The following MTBP variants were observed in gnomAD, a reference collection of about 807,000 sequenced individuals.
MTBP encodes MDM2 binding protein.
A neutral mutation model predicts 117.0 loss-of-function variants in MTBP; 101 were observed. The ratio of observed to expected loss-of-function variants is 0.86; its 90% CI spans 0.73 to 1.02. The LOEUF (loss-of-function observed/expected upper bound fraction) is 1.02, where lower values mean the gene tolerates loss of function less well. MTBP is among the 50% of genes least tolerant of loss of function. The pLI is 0.00. For missense variants in MTBP, 970 were observed against 1,030.9 expected (o/e 0.94, Z 0.81); for synonymous variants, 350 against 351.5 (o/e 1.00, Z 0.05).
chr8:120,473,470 A>C (rs995598171), intron 11 of MTBP: 10 of 152,160 alleles, frequency 6.6e-5, no homozygotes, highest in African/African-American at 2.4e-4. Flanking sequence ...CACTTAAGGA[A>C]GTAGATTCAT....
Position 120,488,335 on chromosome 8 carries a change from A to G in MTBP, c.1339+3A>G. On this transcript the variant is annotated splice_donor_region_variant and intron_variant, in intron 12 of 21. Transcript: ENST00000305949. ...AAAGACAGAAGAAGCCAAATTGAGTAAGTGTTAACTTCAGGTAGAAAAACA... is the reference window on the plus strand; with the variant it reads ...AAAGACAGAAGAAGCCAAATTGAGTGAGTGTTAACTTCAGGTAGAAAAACA... The G allele has an allele frequency of 1.3e-6, 2 of 1,533,666 alleles. No individual in the cohort carries two copies. Among genetic ancestry groups the G allele is most frequent in the Non-Finnish European group, 8.7e-7 (1 of 1,146,608 alleles).
intron 19 of MTBP, among the ~76,000 whole-genome samples, 165 bp from the exon 20 acceptor site, chr8:120,518,539 T>A (rs1282770500): frequency 2.4e-5 from 3 of 126,482 alleles, no homozygotes; most frequent in Non-Finnish European, 5.6e-5. Context: ...TCTGACCATG[T>A]AAATGTTAGA....
chr8:120,456,739 A>C, intron 7 of MTBP, 69 bp downstream of exon 7: 1 of 807,338 alleles, frequency 1.2e-6, no homozygotes, highest in South Asian at 1.5e-5. Flanking sequence ...TATTTAAATA[A>C]ATCTTAATGA....
At chr8:120,478,067 G>A (rs912339846) in intron 11 of MTBP, among the ~76,000 whole-genome samples, 27 of 152,202 alleles carry the variant, frequency 1.8e-4, no homozygotes, top group African/African-American at 4.8e-4. Flanking sequence ...GGAATACTAC[G>A]CAGCCATAAA....
In MTBP at chr8:120,485,904, C is replaced by A. The variant is rs546217967; in HGVS notation, c.1166-2255C>A. On this transcript the variant is annotated intron_variant, in intron 11 of 21. Transcript: ENST00000305949. ...GTGTGGCCACATTCACCCTGGGAAT[C>A]CAGTGGTCTCAACCTGACTCACTTT... is the stretch of plus-strand genomic sequence containing the variant. Among the ~76,000 whole-genome samples the A allele has an allele frequency of 2.3e-3, 356 of 152,278 alleles. 1 individual carries two copies. Among genetic ancestry groups the A allele is most frequent in the African/African-American group, 7.6e-3 (317 of 41,550 alleles).
chr8:120,506,550 C>T (rs1404375387), intron 15 of MTBP, among the ~76,000 whole-genome samples, 156 bp from the exon 16 acceptor site: 1 of 151,180 alleles, frequency 6.6e-6, no homozygotes, highest in Non-Finnish European at 1.5e-5. Flanking sequence ...ACTTTATTGT[C>T]TGTCCTAAAT....
chr8:120,518,682 C>T (rs749353891), intron 19 of MTBP, 22 bp from the exon 20 acceptor site: 5 of 1,481,712 alleles, frequency 3.4e-6, no homozygotes, highest in South Asian at 1.2e-5. Flanking sequence ...AAATATTCGT[C>T]ATATGTTATG....
At chr8:120,450,250 A>G (rs751791577) in intron 2 of MTBP, among the ~76,000 whole-genome samples, 5 of 152,168 alleles carry the variant, frequency 3.3e-5, no homozygotes, top group Admixed American at 1.3e-4. Flanking sequence ...ATTAATGGCA[A>G]TACAAGTTGA....
intron 3 of MTBP, 26 bp downstream of exon 3, chr8:120,451,102 T>TAATG: frequency 6.3e-7 from 1 of 1,588,110 alleles, no homozygotes; most frequent in Non-Finnish European, 8.6e-7. Flanking sequence ...AGATAGCTAC[T>TAATG]AATGAATGTC....
intron 9 of MTBP, 41 bp from the exon 10 acceptor site, chr8:120,463,651 C>A (rs1055448479): frequency 1.4e-6 from 2 of 1,460,558 alleles, no homozygotes; most frequent in Non-Finnish European, 1.9e-6. Context: ...TACATTGTTT[C>A]ATGGGTACCA....
At chr8:120,447,604 A>G (rs1231913554) in intron 2 of MTBP, among the ~76,000 whole-genome samples, 1 of 152,178 alleles carries the variant, frequency 6.6e-6, no homozygotes, top group African/African-American at 2.4e-5. Context: ...AGCAATCCTA[A>G]TATAATCAAT....
intron 16 of MTBP, 25 bp from the exon 17 acceptor site, chr8:120,509,909 A>G: frequency 2.0e-6 from 3 of 1,535,876 alleles, no homozygotes; most frequent in Non-Finnish European, 2.7e-6. Flanking sequence ...AACTTTGAAT[A>G]CAAATGAAAA....
intron 14 of MTBP, among the ~76,000 whole-genome samples, chr8:120,499,416 C>G (rs1814534825): frequency 1.3e-5 from 2 of 151,934 alleles, no homozygotes; most frequent in African/African-American, 4.8e-5. Flanking sequence ...TATTGGATCA[C>G]ATTTTAAGAT....
At chr8:120,521,475 C>T (rs986249926) in intron 20 of MTBP, among the ~76,000 whole-genome samples, 9 of 152,126 alleles carry the variant, frequency 5.9e-5, no homozygotes, top group African/African-American at 1.4e-4. Context: ...CCATCCATGA[C>T]GTTCTCCCTA....
chr8:120,450,217 T>G (rs373402448), intron 2 of MTBP, among the ~76,000 whole-genome samples: 11 of 152,096 alleles, frequency 7.2e-5, no homozygotes, highest in African/African-American at 2.4e-4. Context: ...TTCTTACACG[T>G]TAAAGGGGAG....
chr8:120,481,062 C>T (rs1446334418), intron 11 of MTBP, among the ~76,000 whole-genome samples: 3 of 152,104 alleles, frequency 2.0e-5, no homozygotes, highest in Non-Finnish European at 2.9e-5. Flanking sequence ...ACACGAATAA[C>T]TAGTAAACTC....
At chr8:120,509,426 AC>A (rs1814754748) in intron 16 of MTBP, among the ~76,000 whole-genome samples, 1 of 152,060 alleles carries the variant, frequency 6.6e-6, no homozygotes, top group Non-Finnish European at 1.5e-5. Flanking sequence ...ACATGGTGAA[AC>A]CCTGTCTCTA....
intron 3 of MTBP, 27 bp downstream of exon 3, chr8:120,451,103 A>G: frequency 3.1e-6 from 5 of 1,588,040 alleles, no homozygotes; most frequent in Non-Finnish European, 4.3e-6. Flanking sequence ...GATAGCTACT[A>G]ATGAATGTCT....
intron 19 of MTBP, 82 bp downstream of exon 19, chr8:120,518,182 A>C: frequency 7.1e-7 from 1 of 1,398,848 alleles, no homozygotes; most frequent in Non-Finnish European, 9.6e-7. Flanking sequence ...ATGTCTAAAA[A>C]ATTTTATGAA....
Sources: gnomAD v4.1 joint callset for allele counts (sites outside exome capture counted in the v4.1 genomes callset) on GRCh38, gnomAD v4.1.1 for gene constraint, MANE v1.5 for transcripts, NCBI Gene and HGNC (gene_info 2026-07-23, HGNC 2026-07-21) for gene names.